The following BTC variants were observed in gnomAD, a reference collection of about 807,000 sequenced individuals.
The protein encoded by BTC is betacellulin, also known as probetacellulin.
Under a neutral mutation model 18.1 loss-of-function variants are expected in BTC, and 13 were observed. The ratio of observed to expected loss-of-function variants is 0.72; its 90% CI spans 0.47 to 1.14. The LOEUF (loss-of-function observed/expected upper bound fraction) is 1.14. BTC is among the 50% of genes most tolerant of loss of function. The pLI is 0.00. For missense variants in BTC, 247 were observed against 224.2 expected (o/e 1.10, Z -0.65); for synonymous variants, 83 against 79.4 (o/e 1.05, Z -0.24).
At chr4:74,774,149 G>C (rs1725118720) in intron 1 of BTC, among the ~76,000 whole-genome samples, 1 of 152,144 alleles carries the variant, frequency 6.6e-6, no homozygotes, top group African/African-American at 2.4e-5. Flanking sequence ...TTCAGCAGTG[G>C]ATAATATTTA....
chr4:74,772,169 T>A (rs982916528), intron 1 of BTC, among the ~76,000 whole-genome samples: 11 of 152,220 alleles, frequency 7.2e-5, no homozygotes. Flanking sequence ...TGCTCACAAT[T>A]TCCTTAAGTC....
At chr4:74,772,288 G>T (rs2109902531) in intron 1 of BTC, among the ~76,000 whole-genome samples, 1 of 152,196 alleles carries the variant, frequency 6.6e-6, no homozygotes, top group East Asian at 1.9e-4. Context: ...CTTGTGAATT[G>T]CAATTTGGCT....
chr4:74,772,924 C>T lies in BTC; in HGVS notation c.65-2768G>A, dbSNP rs145811767. ...TTCAAACATCCCCACAGGCTGGGGG[C>T]TATGGCCCAGGCTCCTTCCGCTAAG... On this transcript the variant is annotated intron_variant, in intron 1 of 5. Transcript: ENST00000395743. Among the ~76,000 whole-genome samples, 864 of 152,304 alleles carry T rather than the reference C, an allele frequency of 5.7e-3. 4 individuals are homozygous for T. The highest frequency in any genetic ancestry group is 0.024 in the Middle Eastern group (7 of 294).
At chr4:74,788,584 T>C (rs1012392415) in intron 1 of BTC, among the ~76,000 whole-genome samples, 1 of 152,236 alleles carries the variant, frequency 6.6e-6, no homozygotes, top group African/African-American at 2.4e-5. Flanking sequence ...TTAGACACAC[T>C]GTAAACAGTA....
chr4:74,762,049 A>G (rs1724771009), intron 2 of BTC, among the ~76,000 whole-genome samples: 1 of 152,202 alleles, frequency 6.6e-6, no homozygotes, highest in Non-Finnish European at 1.5e-5. Context: ...GCTCATAAAT[A>G]TTAGTAAGAT....
At chr4:74,779,948 C>T (rs1289471702) in intron 1 of BTC, among the ~76,000 whole-genome samples, 1 of 151,944 alleles carries the variant, frequency 6.6e-6, no homozygotes, top group Non-Finnish European at 1.5e-5. Flanking sequence ...CTTGGAATTC[C>T]AAAAAGTGGC....
At chr4:74,747,193 C>T (rs1407669344) in intron 5 of BTC, among the ~76,000 whole-genome samples, 10 of 152,284 alleles carry the variant, frequency 6.6e-5, no homozygotes, top group South Asian at 2.1e-4. Context: ...GTGCTAGTTA[C>T]GCGTCATGTG....
intron 1 of BTC, among the ~76,000 whole-genome samples, chr4:74,790,561 T>C (rs1182199234): frequency 6.6e-6 from 1 of 152,162 alleles, no homozygotes; most frequent in African/African-American, 2.4e-5. Context: ...GTGGGTTCTA[T>C]CAGGGAGACT....
At chr4:74,765,201 A>G in intron 2 of BTC, among the ~76,000 whole-genome samples, 1 of 151,970 alleles carries the variant, frequency 6.6e-6, no homozygotes, top group Non-Finnish European at 1.5e-5. Flanking sequence ...TTTGACAGAG[A>G]ATTTAAAATT....
In BTC at chr4:74,750,783, T is replaced by C. The variant is rs1724439818; in HGVS notation, c.282-64A>G. 5 of 1,558,428 alleles carry C rather than the reference T, an allele frequency of 3.2e-6. No individual in the cohort carries two copies. In the South Asian group the frequency reaches 4.9e-5, roughly 15 times the overall value. ...AGACTTTTAAGAATCTCTACTTCTT[T>C]TCTGAAGAAATTAACAGTTCTCATT... On this transcript the variant is annotated intron_variant, in intron 3 of 5. Coordinates refer to ENST00000395743, the MANE Select transcript of BTC (RefSeq NM_001729.4).
At position 74,760,733 on chromosome 4, in the gene BTC, CAT is replaced by C. The variant is rs1491405018; in HGVS notation, c.164-4759_164-4758del. Among the ~76,000 whole-genome samples, 523 of 117,876 alleles carry C rather than the reference CAT, an allele frequency of 4.4e-3. 5 individuals are homozygous for C. The highest frequency in any genetic ancestry group is 0.015 in the African/African-American group (502 of 33,996). 77.3% of individuals were successfully genotyped at this position (117,876 alleles called of 152,430 possible). ...GCATGATATGGACAGATTAGCATGT[CAT>C]TTTTTTTTTTTTTTTTTGAGGCGGA... is the stretch of plus-strand genomic sequence containing the variant. On this transcript the variant is annotated intron_variant, in intron 2 of 5. Coordinates refer to ENST00000395743, the MANE Select transcript of BTC (RefSeq NM_001729.4).
intron 1 of BTC, among the ~76,000 whole-genome samples, chr4:74,785,072 G>A (rs917629466): frequency 2.0e-5 from 3 of 152,032 alleles, no homozygotes; most frequent in African/African-American, 7.2e-5. Flanking sequence ...TTTTTGGTTG[G>A]TAGGCTATTG....
intron 1 of BTC, among the ~76,000 whole-genome samples, chr4:74,794,047 C>T (rs1453489380): frequency 6.6e-6 from 1 of 152,168 alleles, no homozygotes; most frequent in Non-Finnish European, 1.5e-5. Flanking sequence ...CCTTCTCACG[C>T]GTCTAGGGAC....
intron 1 of BTC, among the ~76,000 whole-genome samples, chr4:74,780,054 G>A (rs1354881747): frequency 6.6e-6 from 1 of 152,106 alleles, no homozygotes; most frequent in Non-Finnish European, 1.5e-5. Context: ...GTGTCTTTGG[G>A]AGACAATGAG....
chr4:74,770,944 TGTG>T (rs1470716498), intron 1 of BTC, among the ~76,000 whole-genome samples: 1 of 151,016 alleles, frequency 6.6e-6, no homozygotes, highest in Non-Finnish European at 1.5e-5. Context: ...TGTGTGTGTG[TGTG>T]TATAATTATG....
chr4:74,745,158 G>A lies in BTC; in HGVS notation c.*1519C>T, dbSNP rs1724258591. On this transcript the variant is annotated 3_prime_UTR_variant, in exon 6 of 6. Transcript: ENST00000395743. Reference sequence around the variant, plus strand: ...CAACATGGATCAGTTGGATATAATTGTGTTTCAAGTATGACCATTAAATCA... The same window carrying A: ...CAACATGGATCAGTTGGATATAATTATGTTTCAAGTATGACCATTAAATCA... 1 of 152,210 alleles carries A rather than the reference G, an allele frequency of 6.6e-6. No individual in the cohort carries two copies. The highest frequency in any genetic ancestry group is 1.5e-5 in the Non-Finnish European group (1 of 68,032). 9.4% of individuals were successfully genotyped at this position (152,210 alleles called of 1,614,324 possible).
intron 4 of BTC, among the ~76,000 whole-genome samples, chr4:74,749,020 A>G (rs1553955795): frequency 2.0e-5 from 3 of 152,194 alleles, no homozygotes; most frequent in Non-Finnish European, 4.4e-5. Flanking sequence ...ATAGTTAGAA[A>G]GTATCTGACA....
intron 4 of BTC, among the ~76,000 whole-genome samples, chr4:74,748,692 G>A (rs1724364619): frequency 6.6e-6 from 1 of 152,082 alleles, no homozygotes; most frequent in Non-Finnish European, 1.5e-5. Context: ...AATTTTTCAG[G>A]CCAAGTTATT....
intron 2 of BTC, among the ~76,000 whole-genome samples, chr4:74,760,990 T>A (rs1454332072): frequency 2.0e-5 from 3 of 152,088 alleles, no homozygotes; most frequent in Non-Finnish European, 1.5e-5. Context: ...TGCCTCAGCC[T>A]CCCAAAGTGC....
Sources: gnomAD v4.1 joint callset for allele counts (sites outside exome capture counted in the v4.1 genomes callset) on GRCh38, gnomAD v4.1.1 for gene constraint, MANE v1.5 for transcripts, NCBI Gene and HGNC (gene_info 2026-07-23, HGNC 2026-07-21) for gene names.